The following GOSR2 variants were observed in gnomAD, a reference collection of about 807,000 sequenced individuals.
GOSR2 encodes golgi SNAP receptor complex member 2.
In GOSR2, 20 loss-of-function variants were observed where a neutral mutation model predicts 27.9. The ratio of observed to expected loss-of-function variants is 0.72; its 90% CI spans 0.50 to 1.04. The LOEUF (loss-of-function observed/expected upper bound fraction) is 1.04. GOSR2 is among the 50% of genes least tolerant of loss of function. GOSR2 has a pLI of 0.00. For missense variants in GOSR2, 261 were observed against 270.5 expected, an observed-to-expected ratio of 0.97 and a Z score of 0.25; for synonymous variants, 91 against 98.8, an observed-to-expected ratio of 0.92 and a Z score of 0.47.
downstream of GOSR2, among the ~76,000 whole-genome samples, chr17:46,968,550 A>C (rs1228488060): frequency 6.6e-6 from 1 of 152,220 alleles, no homozygotes; most frequent in African/African-American, 2.4e-5. Flanking sequence ...ATCAATCACC[A>C]TCAGATCCTC....
chr17:46,940,673 T>C lies in GOSR2; in HGVS notation c.*1913T>C. The C allele has an allele frequency of 1.2e-6, 2 of 1,612,802 alleles. No individual in the cohort carries two copies. Among genetic ancestry groups the C allele is most frequent in the Non-Finnish European group, 1.7e-6 (2 of 1,179,918 alleles). On this transcript the variant is annotated 3_prime_UTR_variant, in exon 6 of 6. Coordinates refer to ENST00000640051, the MANE Select transcript of GOSR2 (RefSeq NM_004287.5). Reference sequence around the variant, plus strand: ...CCCGCACCCATCATGCGTGGACTGATAGGACATCTTTTCGTGGTGTGCACC... The same window carrying C: ...CCCGCACCCATCATGCGTGGACTGACAGGACATCTTTTCGTGGTGTGCACC...
intron 5 of GOSR2, chr17:46,936,089 A>G (rs907940885): frequency 2.0e-6 from 2 of 985,712 alleles, no homozygotes; most frequent in Non-Finnish European, 2.4e-6. Context: ...TGCAAGTGAC[A>G]CTCACCTCCT....
intron 6 of GOSR2, among the ~76,000 whole-genome samples, chr17:46,953,924 T>G (rs2090545310): frequency 2.6e-5 from 4 of 152,356 alleles, no homozygotes; most frequent in Admixed American, 2.6e-4. Flanking sequence ...CATTGTAGAT[T>G]CTTGATATTA....
At chr17:46,925,627 G>A (rs574086886) in intron 1 of GOSR2, among the ~76,000 whole-genome samples, 8 of 152,176 alleles carry the variant, frequency 5.3e-5, no homozygotes, top group Non-Finnish European at 1.0e-4. Flanking sequence ...CAAGAAACAC[G>A]TGGAGTCCAG....
Position 46,940,601 on chromosome 17 carries a change from A to G in GOSR2, c.*1841A>G, listed in dbSNP as rs760466734. The G allele has an allele frequency of 6.2e-7, 1 of 1,614,168 alleles. No homozygotes were observed. ...CAGCACACTTTGGAGGAAGGTCTGC[A>G]GGGAGCAGCTGAGCCATTTGTTCTT... On this transcript the variant is annotated 3_prime_UTR_variant, in exon 6 of 6. Transcript: ENST00000640051.
chr17:46,973,923 C>T (rs1036628007), intron 6 of GOSR2, among the ~76,000 whole-genome samples: 2 of 152,212 alleles, frequency 1.3e-5, no homozygotes, highest in Admixed American at 6.5e-5. Context: ...TCTGAAGCCA[C>T]CCCCAAAGCT....
chr17:46,941,847 A>G lies in GOSR2; in HGVS notation c.*3087A>G, dbSNP rs142169063. ...GTGATCTGCCTGCTTCGGCCTCCCA[A>G]AGTTCTAGGGTTACAGGTGTTAGCC... On this transcript the variant is annotated 3_prime_UTR_variant, in exon 6 of 6. Transcript: ENST00000640051. 2,350 of 812,358 alleles carry G rather than the reference A, an allele frequency of 2.9e-3. 4 individuals are homozygous for G. Among genetic ancestry groups the G allele is most frequent in the Middle Eastern group, 0.023 (36 of 1,558 alleles). The allele number at this position is 812,358 out of a possible 1,614,324, so 50.3% of individuals were successfully genotyped here. A position where few individuals can be genotyped will look rare whatever the true frequency, so the allele number is the denominator to read the frequency against.
downstream of GOSR2, chr17:46,967,133 G>A (rs995366695): frequency 6.5e-6 from 1 of 154,030 alleles, no homozygotes; most frequent in Non-Finnish European, 1.4e-5. Context: ...GGGGAAGACG[G>A]ACATGAGAAC....
chr17:46,935,908 T>G, intron 5 of GOSR2: 3 of 985,802 alleles, frequency 3.0e-6, no homozygotes, highest in Non-Finnish European at 3.6e-6. Flanking sequence ...CAGGGTGTGG[T>G]CCCCTGTGAA....
In GOSR2 at chr17:46,941,928, C is replaced by A; in HGVS notation, c.*3168C>A. The A allele has an allele frequency of 7.1e-6, 7 of 985,176 alleles. No homozygotes were observed. Among genetic ancestry groups the A allele is most frequent in the Non-Finnish European group, 8.4e-6 (7 of 829,752 alleles). 61.0% of individuals were successfully genotyped at this position (985,176 alleles called of 1,614,324 possible). A position where few individuals can be genotyped will look rare whatever the true frequency, so the allele number is the denominator to read the frequency against. On this transcript the variant is annotated 3_prime_UTR_variant, in exon 6 of 6. Transcript: ENST00000640051. ...GTGTGTATTTTGGAACCACTGTCTC[C>A]TAGACAGAAAGCTTCTGTCTCAAAG... is the stretch of plus-strand genomic sequence containing the variant.
intron 6 of GOSR2, among the ~76,000 whole-genome samples, chr17:46,966,154 G>T (rs1263801911): frequency 6.6e-6 from 1 of 152,102 alleles, no homozygotes; most frequent in East Asian, 1.9e-4. Context: ...GTGATTGAGG[G>T]ATCACCACAG....
intron 6 of GOSR2, among the ~76,000 whole-genome samples, chr17:46,959,390 CAAA>C: frequency 1.3e-5 from 2 of 152,356 alleles, no homozygotes; most frequent in South Asian, 4.1e-4. Context: ...TGGTAGTCCT[CAAA>C]AGCCATTGGC....
In GOSR2 at chr17:46,941,752, T is replaced by C. The variant is rs983317860; in HGVS notation, c.*2992T>C. ...CCATGTCTGGCTAATTTTTTTTTTT[T>C]TTTTGTATTTTTTAGTAGAGACAGG... is the stretch of plus-strand genomic sequence containing the variant. On this transcript the variant is annotated 3_prime_UTR_variant, in exon 6 of 6. Coordinates refer to ENST00000640051, the MANE Select transcript of GOSR2 (RefSeq NM_004287.5). 658 of 177,584 alleles carry C rather than the reference T, an allele frequency of 3.7e-3. 3 individuals carry two copies. Among genetic ancestry groups the C allele is most frequent in the Non-Finnish European group, 5.1e-3 (470 of 91,534 alleles). 11.0% of individuals were successfully genotyped at this position (177,584 alleles called of 1,614,324 possible).
chr17:46,942,191 C>T (rs561082983), downstream of GOSR2, among the ~76,000 whole-genome samples: 1 of 152,298 alleles, frequency 6.6e-6, no homozygotes, highest in Admixed American at 6.5e-5. Context: ...TGACTTTCAG[C>T]TCCAGTAGCC....
At chr17:46,974,256 A>G (rs1406649445) in intron 6 of GOSR2, among the ~76,000 whole-genome samples, 2 of 152,232 alleles carry the variant, frequency 1.3e-5, no homozygotes, top group African/African-American at 4.8e-5. Flanking sequence ...GCCAGACGCT[A>G]GGTCTGCCAT....
At chr17:46,972,219 C>T (rs2091400329) in intron 6 of GOSR2, among the ~76,000 whole-genome samples, 1 of 152,180 alleles carries the variant, frequency 6.6e-6, no homozygotes, top group Non-Finnish European at 1.5e-5. Flanking sequence ...TCCTGCTTTG[C>T]TTCTCCCGCC....
At chr17:46,928,464 G>A (rs3785889) in intron 1 of GOSR2, among the ~76,000 whole-genome samples, 68,551 of 151,842 alleles carry the variant, frequency 0.45, 15,847 homozygotes, top group Non-Finnish European at 0.51. Context: ...CGTGAGCACC[G>A]GGAAGTGGAT....
chr17:46,951,712 A>G (rs1224952071), intron 6 of GOSR2, among the ~76,000 whole-genome samples: 1 of 151,936 alleles, frequency 6.6e-6, no homozygotes, highest in African/African-American at 2.4e-5. Context: ...CCCCAAAGTC[A>G]GATAGTGACA....
At chr17:46,925,260 A>G (rs1160495751) in intron 1 of GOSR2, among the ~76,000 whole-genome samples, 2 of 152,238 alleles carry the variant, frequency 1.3e-5, no homozygotes, top group Admixed American at 1.3e-4. Flanking sequence ...CCTGTGTTCC[A>G]GTACAATTTT....
Sources: gnomAD v4.1 joint callset for allele counts (sites outside exome capture counted in the v4.1 genomes callset) on GRCh38, gnomAD v4.1.1 for gene constraint, MANE v1.5 for transcripts, NCBI Gene and HGNC (gene_info 2026-07-23, HGNC 2026-07-21) for gene names.